The following SPIDR variants were observed in gnomAD, a reference collection of about 807,000 sequenced individuals.
SPIDR encodes scaffold protein involved in DNA repair, also known as DNA repair-scaffolding protein.
In SPIDR, 93 loss-of-function variants were observed where a neutral mutation model predicts 104.6. The observed-to-expected ratio is 0.89, with a 90% CI of 0.75 to 1.06. SPIDR has a LOEUF of 1.06. Among genes scored for constraint, SPIDR ranks in the 50% least tolerant of loss-of-function variants. The probability of loss-of-function intolerance (pLI) is 0.00; values close to 1 mark genes in which losing one functional copy is unlikely to be tolerated. For synonymous variants in SPIDR, 431 were observed against 416.9 expected, an observed-to-expected ratio of 1.03 and a Z score of -0.41; for missense variants, 1,154 against 1,111.2, an observed-to-expected ratio of 1.04 and a Z score of -0.55.
At chr8:47,279,814 GA>G (rs2037365397) in intron 1 of SPIDR, 47 bp from the exon 2 acceptor site, 1 of 1,556,108 alleles carries the variant, frequency 6.4e-7, no homozygotes, top group Non-Finnish European at 8.8e-7. Context: ...TAATGAAGTT[GA>G]TTTTGTTTTT....
intron 5 of SPIDR, among the ~76,000 whole-genome samples, chr8:47,342,441 A>G (rs1263877716): frequency 7.2e-6 from 1 of 138,556 alleles, no homozygotes; most frequent in Admixed American, 8.0e-5. Context: ...GATTCAAGTG[A>G]TTCTCCCACC....
At chr8:47,270,729 C>T (rs2035134017) in intron 1 of SPIDR, among the ~76,000 whole-genome samples, 1 of 152,140 alleles carries the variant, frequency 6.6e-6, no homozygotes, top group African/African-American at 2.4e-5. Flanking sequence ...GTAAGTACTG[C>T]TTTAGCTGCA....
At chr8:47,357,812 G>A (rs1587630002) in intron 5 of SPIDR, 1 of 977,668 alleles carries the variant, frequency 1.0e-6, no homozygotes, top group South Asian at 4.7e-5. Flanking sequence ...GAGGATATAA[G>A]GAGAAAGGAA....
intron 5 of SPIDR, among the ~76,000 whole-genome samples, chr8:47,369,699 T>C (rs2057727239): frequency 6.6e-6 from 1 of 152,246 alleles, no homozygotes; most frequent in Non-Finnish European, 1.5e-5. Context: ...GTTGGTGTTC[T>C]GAATGGCAGT....
chr8:47,681,375 A>AT (rs879331512), intron 11 of SPIDR, among the ~76,000 whole-genome samples: 41 of 150,034 alleles, frequency 2.7e-4, no homozygotes, highest in Middle Eastern at 3.4e-3. Flanking sequence ...CCGGATTGCG[A>AT]TTTTTTTTTT....
At chr8:47,364,496 A>G (rs2056808411) in intron 5 of SPIDR, among the ~76,000 whole-genome samples, 1 of 152,164 alleles carries the variant, frequency 6.6e-6, no homozygotes, top group African/African-American at 2.4e-5. Context: ...GTAAGGTGTG[A>G]CGAACCTACC....
chr8:47,729,234 C>T lies in SPIDR; in HGVS notation c.2551-178C>T, dbSNP rs1320098260. 6.9e-6 allele frequency: 10 copies of T among 1,445,560 alleles called. No homozygotes were observed. The East Asian group carries it at 2.2e-4, about 32-fold the overall frequency. The allele number at this position is 1,445,560 out of a possible 1,614,324, so 89.5% of individuals were successfully genotyped here. A position where few individuals can be genotyped will look rare whatever the true frequency, so the allele number is the denominator to read the frequency against. On this transcript the variant is annotated intron_variant, in intron 18 of 19. Transcript: ENST00000297423. Reference sequence around the variant, plus strand: ...TCCCTAGGAAAGGTGGGAGGATGCACCCTATGTGAACACAGTCTCTCCATG... The same window carrying T: ...TCCCTAGGAAAGGTGGGAGGATGCATCCTATGTGAACACAGTCTCTCCATG...
chr8:47,571,095 A>G (rs2058464828), intron 8 of SPIDR, among the ~76,000 whole-genome samples: 1 of 152,164 alleles, frequency 6.6e-6, no homozygotes. Context: ...TGTCTCAAAA[A>G]AAAAAAAAGT....
At chr8:47,531,601 C>T (rs117456985) in intron 8 of SPIDR, among the ~76,000 whole-genome samples, 4,396 of 152,262 alleles carry the variant, frequency 0.029, 88 homozygotes, top group South Asian at 0.046. Context: ...TCTGTAAAAG[C>T]TTCTGCTAAA....
At position 47,524,448 on chromosome 8, in the gene SPIDR, T is replaced by C. The variant is rs1414301834; in HGVS notation, c.1098-71363T>C. On this transcript the variant is annotated intron_variant, in intron 8 of 19. Coordinates refer to ENST00000297423, the MANE Select transcript of SPIDR (RefSeq NM_001080394.4). ...CTGCAGCCCCTCTGGGATCCTATAG[T>C]CGCAGCACTATTTTGGTAGGTCAGC... Among the ~76,000 whole-genome samples, 3 of 152,174 alleles carry C rather than the reference T, an allele frequency of 2.0e-5. No homozygotes were observed. In the East Asian group the frequency reaches 5.8e-4, roughly 29 times the overall value.
chr8:47,432,280 C>T (rs2067496041), intron 7 of SPIDR, among the ~76,000 whole-genome samples: 1 of 152,222 alleles, frequency 6.6e-6, no homozygotes, highest in Non-Finnish European at 1.5e-5. Context: ...ATAGATAAAA[C>T]GTCATTTGGA....
At chr8:47,674,389 A>G (rs2076159359) in intron 11 of SPIDR, among the ~76,000 whole-genome samples, 1 of 152,190 alleles carries the variant, frequency 6.6e-6, no homozygotes, top group South Asian at 2.1e-4. Flanking sequence ...GCCAGGTTTC[A>G]TGGCACCTCG....
At chr8:47,370,268 A>G (rs761581260) in intron 5 of SPIDR, among the ~76,000 whole-genome samples, 4 of 152,078 alleles carry the variant, frequency 2.6e-5, no homozygotes, top group East Asian at 1.9e-4. Context: ...TTCTGTATCA[A>G]CTGCATAGGA....
intron 8 of SPIDR, among the ~76,000 whole-genome samples, chr8:47,457,551 G>A (rs1276239894): frequency 6.6e-6 from 1 of 152,090 alleles, no homozygotes; most frequent in Non-Finnish European, 1.5e-5. Flanking sequence ...TGAGTTGTCT[G>A]TTACTTTGCT....
chr8:47,343,526 A>C lies in SPIDR; in HGVS notation c.525+49496A>C, dbSNP rs1030529081. Among the ~76,000 whole-genome samples, 3 of 152,176 alleles carry C rather than the reference A, an allele frequency of 2.0e-5. No homozygotes were observed. The East Asian group carries it at 5.8e-4, about 29-fold the overall frequency. ...ACAGACAGGTAGTGAGGGCCAGAAG[A>C]AGCCTGAGGATTTCTTGTGCGCCAG... On this transcript the variant is annotated intron_variant, in intron 5 of 19. Transcript: ENST00000297423.
intron 8 of SPIDR, among the ~76,000 whole-genome samples, chr8:47,493,361 A>G (rs1338503917): frequency 6.6e-6 from 1 of 152,194 alleles, no homozygotes; most frequent in Non-Finnish European, 1.5e-5. Flanking sequence ...TACCATTATT[A>G]TTTTAATATA....
At chr8:47,727,603 G>A (rs943652025) in intron 17 of SPIDR, among the ~76,000 whole-genome samples, 14 of 152,168 alleles carry the variant, frequency 9.2e-5, no homozygotes, top group Non-Finnish European at 1.9e-4. Context: ...AAAACTTGGT[G>A]ACTGTATAGC....
At chr8:47,510,612 T>A (rs1393742706) in intron 8 of SPIDR, among the ~76,000 whole-genome samples, 3 of 152,158 alleles carry the variant, frequency 2.0e-5, no homozygotes, top group African/African-American at 7.2e-5. Flanking sequence ...AACAAAATGT[T>A]GTGTATAATG....
chr8:47,296,865 A>G (rs1460186743), intron 5 of SPIDR, among the ~76,000 whole-genome samples: 1 of 152,206 alleles, frequency 6.6e-6, no homozygotes, highest in Non-Finnish European at 1.5e-5. Flanking sequence ...CTTGCATTCC[A>G]TGAATATGGA....
Sources: allele counts gnomAD v4.1 joint callset (sites outside exome capture counted in the v4.1 genomes callset), GRCh38; gene constraint gnomAD v4.1.1; transcripts MANE v1.5; gene names NCBI Gene and HGNC (gene_info 2026-07-23, HGNC 2026-07-21).